The following TMCC1 variants were observed in gnomAD, a reference collection of about 807,000 sequenced individuals.
The protein encoded by TMCC1 is transmembrane and coiled-coil domains protein 1.
A neutral mutation model predicts 52.4 loss-of-function variants in TMCC1; 15 were observed. That is an observed-to-expected ratio of 0.29 (90% CI 0.19 to 0.44). TMCC1 has a LOEUF of 0.44. TMCC1 is among the 20% of genes least tolerant of loss of function. The pLI is 1.00. For missense variants in TMCC1, 503 were observed against 806.0 expected (o/e 0.62, Z 4.55); for synonymous variants, 279 against 301.9 (o/e 0.92, Z 0.79).
At chr3:129,805,839 T>A (rs1180641032) in intron 4 of TMCC1, among the ~76,000 whole-genome samples, 1 of 151,674 alleles carries the variant, frequency 6.6e-6, no homozygotes. Context: ...GAGGCTGAGG[T>A]GAGAACTGCT....
intron 2 of TMCC1, among the ~76,000 whole-genome samples, chr3:129,840,189 T>A (rs1325060095): frequency 1.3e-5 from 2 of 151,568 alleles, no homozygotes; most frequent in Non-Finnish European, 2.9e-5. Flanking sequence ...TAGCTGGGCA[T>A]GGTGGCATAT....
chr3:129,653,593 G>A (rs889355832), intron 6 of TMCC1, among the ~76,000 whole-genome samples: 47 of 152,096 alleles, frequency 3.1e-4, no homozygotes, highest in Admixed American at 1.3e-4. Context: ...ACAGGTGCCC[G>A]CCAACATGCC....
intron 5 of TMCC1, among the ~76,000 whole-genome samples, chr3:129,669,415 T>A (rs2087732433): frequency 6.6e-6 from 1 of 152,098 alleles, no homozygotes; most frequent in Non-Finnish European, 1.5e-5. Flanking sequence ...TAACAAAGTT[T>A]GGATGTATCC....
chr3:129,673,748 G>A (rs1192091066), intron 4 of TMCC1, among the ~76,000 whole-genome samples: 4 of 152,016 alleles, frequency 2.6e-5, no homozygotes, highest in Non-Finnish European at 5.9e-5. Context: ...CTGCTCAGGA[G>A]GCTGAGGTGG....
At chr3:129,743,107 T>C (rs954768234) in intron 4 of TMCC1, among the ~76,000 whole-genome samples, 2 of 152,160 alleles carry the variant, frequency 1.3e-5, no homozygotes, top group African/African-American at 4.8e-5. Context: ...TCTAAAATTG[T>C]AGTAATGGTT....
At chr3:129,834,222 C>T (rs187728512) in intron 2 of TMCC1, among the ~76,000 whole-genome samples, 4 of 152,254 alleles carry the variant, frequency 2.6e-5, no homozygotes, top group Admixed American at 1.3e-4. Context: ...CCAATACCTT[C>T]GGCCAGCAGG....
chr3:129,816,880 T>C (rs1192880880), intron 4 of TMCC1, among the ~76,000 whole-genome samples: 1 of 151,510 alleles, frequency 6.6e-6, no homozygotes, highest in Admixed American at 6.6e-5. Flanking sequence ...AAATAAAAAA[T>C]AAGCCAGGTG....
chr3:129,761,096 C>T (rs967916633), intron 4 of TMCC1, among the ~76,000 whole-genome samples: 1 of 151,848 alleles, frequency 6.6e-6, no homozygotes, highest in Admixed American at 6.6e-5. Context: ...GAGGTCGAGG[C>T]GGGCGGATCA....
At chr3:129,691,697 T>C (rs2047041539) in intron 4 of TMCC1, among the ~76,000 whole-genome samples, 1 of 152,140 alleles carries the variant, frequency 6.6e-6, no homozygotes, top group African/African-American at 2.4e-5. Context: ...GGTAAAGGGA[T>C]CATTTGAGCC....
chr3:129,873,667 G>A (rs1038587540), intron 2 of TMCC1, among the ~76,000 whole-genome samples: 1 of 152,156 alleles, frequency 6.6e-6, no homozygotes, highest in Non-Finnish European at 1.5e-5. Context: ...ATAGGTGACA[G>A]AGTGCCACCA....
intron 4 of TMCC1, among the ~76,000 whole-genome samples, chr3:129,782,533 C>T (rs554503706): frequency 7.5e-4 from 114 of 152,284 alleles, no homozygotes; most frequent in Admixed American, 1.6e-3. Context: ...AAATGACCAA[C>T]AACAGAACCA....
At chr3:129,800,883 T>G (rs1322241045) in intron 4 of TMCC1, among the ~76,000 whole-genome samples, 2 of 152,080 alleles carry the variant, frequency 1.3e-5, no homozygotes, top group Non-Finnish European at 2.9e-5. Flanking sequence ...TACAAGGTAT[T>G]TCATGTGCTG....
chr3:129,791,509 G>C (rs886892314), intron 4 of TMCC1, among the ~76,000 whole-genome samples: 4 of 152,134 alleles, frequency 2.6e-5, no homozygotes, highest in African/African-American at 9.7e-5. Context: ...TAACTTCTCT[G>C]AAACTCAGTT....
chr3:129,698,677 G>T (rs1321820364), intron 4 of TMCC1, among the ~76,000 whole-genome samples: 1 of 152,174 alleles, frequency 6.6e-6, no homozygotes, highest in African/African-American at 2.4e-5. Context: ...TAATTAAAAA[G>T]TAATTGTTTA....
chr3:129,852,023 C>T (rs1560549019), intron 2 of TMCC1, among the ~76,000 whole-genome samples: 1 of 152,018 alleles, frequency 6.6e-6, no homozygotes, highest in Non-Finnish European at 1.5e-5. Flanking sequence ...TGTGGTTGCA[C>T]ATGCCTGTAG....
chr3:129,660,937 C>A (rs564701878), intron 5 of TMCC1, among the ~76,000 whole-genome samples: 1 of 152,210 alleles, frequency 6.6e-6, no homozygotes, highest in Admixed American at 6.5e-5. Context: ...TGCCATTGTG[C>A]CCAGCTCAAG....
chr3:129,757,815 G>C (rs1380999444), intron 4 of TMCC1, among the ~76,000 whole-genome samples: 1 of 151,722 alleles, frequency 6.6e-6, no homozygotes, highest in Admixed American at 6.6e-5. Flanking sequence ...GGGTGACAGA[G>C]AGAAATTCCA....
intron 2 of TMCC1, among the ~76,000 whole-genome samples, chr3:129,850,297 AT>A (rs2059860124): frequency 6.6e-6 from 1 of 152,170 alleles, no homozygotes; most frequent in African/African-American, 2.4e-5. Flanking sequence ...TTTTTTCTCT[AT>A]GCTTTCCTGA....
At chr3:129,672,335 C>G (rs1380353801) in intron 4 of TMCC1, among the ~76,000 whole-genome samples, 1 of 152,096 alleles carries the variant, frequency 6.6e-6, no homozygotes, top group East Asian at 1.9e-4. Flanking sequence ...CAGTGGCTCA[C>G]GTCTATATTC....
Sources: allele counts gnomAD v4.1 joint callset (sites outside exome capture counted in the v4.1 genomes callset), GRCh38; gene constraint gnomAD v4.1.1; transcripts MANE v1.5; gene names NCBI Gene and HGNC (gene_info 2026-07-23, HGNC 2026-07-21).